CCDC18: variants seen among roughly 807,000 people sequenced by gnomAD.
CCDC18 encodes the protein coiled-coil domain-containing protein 18.
Under a neutral mutation model 196.0 loss-of-function variants are expected in CCDC18, and 157 were observed. That is an observed-to-expected ratio of 0.80 (90% CI 0.70 to 0.91). CCDC18 has a LOEUF of 0.91. CCDC18 is among the 40% of genes least tolerant of loss of function. The pLI, the probability that CCDC18 is intolerant of heterozygous loss-of-function variation, is 0.00. For missense variants in CCDC18, 1,465 were observed against 1,611.6 expected (o/e 0.91, Z 1.56); for synonymous variants, 482 against 529.2 (o/e 0.91, Z 1.22).
intron 6 of CCDC18, among the ~76,000 whole-genome samples, chr1:93,194,156 A>G (rs1480995991): frequency 1.3e-5 from 2 of 152,136 alleles, no homozygotes; most frequent in East Asian, 1.9e-4. Context: ...AGAGAAAGAA[A>G]CTCAATGCCT....
At chr1:93,232,288 G>A (rs890153795) in intron 17 of CCDC18, 138 bp from the exon 18 acceptor site, 8 of 532,548 alleles carry the variant, frequency 1.5e-5, no homozygotes, top group Admixed American at 3.5e-5. Flanking sequence ...TCCTTCCAAT[G>A]ACAAACTATA....
At chr1:93,185,855 AAATT>A (rs570783583) in intron 3 of CCDC18, among the ~76,000 whole-genome samples, 123 of 151,958 alleles carry the variant, frequency 8.1e-4, no homozygotes, top group African/African-American at 2.9e-3. Context: ...ATCCTCATGA[AAATT>A]AAATGTATTG....
intron 11 of CCDC18, among the ~76,000 whole-genome samples, chr1:93,214,054 A>G (rs1656097198): frequency 6.6e-6 from 1 of 152,150 alleles, no homozygotes; most frequent in Admixed American, 6.6e-5. Context: ...GTGTATGTTT[A>G]TAGTGGAGAA....
In CCDC18 at chr1:93,256,591, AT is replaced by A. The variant is rs368996549; in HGVS notation, c.3546+61del. 4.9e-4 allele frequency: 694 copies of A among 1,424,810 alleles called. 3 individuals carry two copies. Among genetic ancestry groups the A allele is most frequent in the African/African-American group, 2.8e-3 (193 of 70,112 alleles). The allele number at this position is 1,424,810 out of a possible 1,614,324, so 88.3% of individuals were successfully genotyped here. A position where few individuals can be genotyped will look rare whatever the true frequency, so the allele number is the denominator to read the frequency against. ...TATCTGAAATCTTACAAATATTAGCATTTTTTTTGAACTGTAGAATATAGTT... is the reference window on the plus strand; with the variant it reads ...TATCTGAAATCTTACAAATATTAGCATTTTTTTGAACTGTAGAATATAGTT... On this transcript the variant is annotated intron_variant, in intron 25 of 28. Transcript: ENST00000690025.
At chr1:93,223,569 C>G (rs1460543001) in intron 16 of CCDC18, among the ~76,000 whole-genome samples, 1 of 152,088 alleles carries the variant, frequency 6.6e-6, no homozygotes, top group African/African-American at 2.4e-5. Context: ...AAAGTTGTAT[C>G]ACTAAGCTAA....
intron 3 of CCDC18, among the ~76,000 whole-genome samples, chr1:93,185,984 G>T (rs1362124336): frequency 6.6e-6 from 1 of 151,734 alleles, no homozygotes; most frequent in Non-Finnish European, 1.5e-5. Context: ...TACTATCTCT[G>T]GACAATGTAG....
rs757834056 is a variant in CCDC18 at position 93,258,841 on chromosome 1, T to C, written c.3640T>C (p.Leu1214=). 44 of 1,601,660 alleles carry C rather than the reference T, an allele frequency of 2.7e-5. No homozygotes were observed. Among genetic ancestry groups the C allele is most frequent in the Admixed American group, 3.5e-5 (2 of 57,644 alleles). The part of the protein sequence containing the change: ...EARMQAEIKK[L]SAEVESLKEA... Reference sequence around the variant, plus strand: ...AAGAATGCAAGCAGAAATCAAGAAATTGTCAGCAGAAGTAGAATCTCTCAA... The same window carrying C: ...AAGAATGCAAGCAGAAATCAAGAAACTGTCAGCAGAAGTAGAATCTCTCAA... The change falls in exon 26 of 29, where the codon TTG becomes CTG. Residue 1214 remains leucine, a synonymous_variant. Coordinates refer to ENST00000690025, the MANE Select transcript of CCDC18 (RefSeq NM_001378204.1).
intron 18 of CCDC18, among the ~76,000 whole-genome samples, chr1:93,234,853 G>GCTT (rs1659798274): frequency 6.6e-6 from 1 of 150,730 alleles, no homozygotes; most frequent in Non-Finnish European, 1.5e-5. Flanking sequence ...CATGATCATG[G>GCTT]CTCAGTGCAG....
chr1:93,275,203 G>A (rs906121887), intron 28 of CCDC18, among the ~76,000 whole-genome samples: 1 of 152,144 alleles, frequency 6.6e-6, no homozygotes, highest in East Asian at 1.9e-4. Context: ...CGCTTCCCAG[G>A]TTCAAGCAAT....
At chr1:93,235,115 G>A (rs571002706) in intron 18 of CCDC18, among the ~76,000 whole-genome samples, 14 of 151,008 alleles carry the variant, frequency 9.3e-5, no homozygotes, top group African/African-American at 2.2e-4. Context: ...GTGAACCACC[G>A]CACCTGGCAA....
chr1:93,212,789 C>T (rs1057097824), intron 11 of CCDC18, among the ~76,000 whole-genome samples: 2 of 152,092 alleles, frequency 1.3e-5, no homozygotes, highest in African/African-American at 2.4e-5. Flanking sequence ...GGACCAGGGA[C>T]AGGGTCAGGG....
chr1:93,233,605 AT>A (rs879349156), intron 18 of CCDC18, among the ~76,000 whole-genome samples: 3 of 144,130 alleles, frequency 2.1e-5, no homozygotes, highest in Non-Finnish European at 1.5e-5. Context: ...GGTATTCTGT[AT>A]TTTTTTTTTG....
chr1:93,217,214 G>A (rs939105832), intron 13 of CCDC18, among the ~76,000 whole-genome samples: 42 of 152,202 alleles, frequency 2.8e-4, no homozygotes, highest in African/African-American at 9.9e-4. Flanking sequence ...GATTACAGGC[G>A]TGAGCCACCG....
intron 1 of CCDC18, among the ~76,000 whole-genome samples, chr1:93,181,431 T>A (rs960227121): frequency 3.9e-5 from 6 of 152,070 alleles, no homozygotes; most frequent in South Asian, 2.1e-4. Flanking sequence ...AAAGATGATG[T>A]TGTTAAGGTC....
chr1:93,256,570 T>C, intron 25 of CCDC18, 32 bp downstream of exon 25: 1 of 1,544,922 alleles, frequency 6.5e-7, no homozygotes, highest in South Asian at 1.1e-5. Flanking sequence ...CTTATGTATC[T>C]GAAATCTTAC....
chr1:93,252,911 C>T (rs1231623298), intron 23 of CCDC18, among the ~76,000 whole-genome samples: 3 of 152,190 alleles, frequency 2.0e-5, no homozygotes, highest in Non-Finnish European at 2.9e-5. Context: ...GCTTTCTGGC[C>T]CACATGGACC....
Position 93,183,988 on chromosome 1 carries a change from A to G in CCDC18, c.145A>G (p.Ser49Gly), listed in dbSNP as rs537114111. 5.0e-4 allele frequency: 762 copies of G among 1,534,290 alleles called. 13 individuals are homozygous for G. The South Asian group carries it at 9.4e-3, about 19-fold the overall frequency. ...TTCTTTTTTCTCTAGTGTTAGTCCA[A>G]GTGAAAATTCTGATTATGCCCCTAA... is the stretch of plus-strand genomic sequence containing the variant. ...LGEELSSVSP[S>G]ENSDYAPNPS... The change falls in exon 3 of 29, where the codon AGT becomes GGT. Residue 49 changes from serine (S) to glycine (G), a missense_variant. Ser to Gly is a moderately conservative substitution (Grantham distance 56, BLOSUM62 0). Coordinates refer to ENST00000690025, the MANE Select transcript of CCDC18 (RefSeq NM_001378204.1).
chr1:93,212,031 A>G (rs1655730648), intron 10 of CCDC18, 70 bp from the exon 11 acceptor site: 61 of 1,318,706 alleles, frequency 4.6e-5, no homozygotes, highest in Non-Finnish European at 6.4e-5. Context: ...TGAAAGGTGA[A>G]AAATAGTACA....
intron 27 of CCDC18, among the ~76,000 whole-genome samples, chr1:93,268,343 T>C (rs1303832358): frequency 2.0e-5 from 3 of 152,158 alleles, no homozygotes; most frequent in Non-Finnish European, 4.4e-5. Flanking sequence ...ACCTAGGCAA[T>C]ACCATTGCCT....
Sources: gnomAD v4.1 joint callset for allele counts (sites outside exome capture counted in the v4.1 genomes callset) on GRCh38, gnomAD v4.1.1 for gene constraint, MANE v1.5 for transcripts, NCBI Gene and HGNC (gene_info 2026-07-23, HGNC 2026-07-21) for gene names.